LSAMP: variants seen among roughly 807,000 people sequenced by gnomAD.
LSAMP encodes the protein limbic system-associated membrane protein.
Under a neutral mutation model 38.6 loss-of-function variants are expected in LSAMP, and 7 were observed. That is an observed-to-expected ratio of 0.18 (90% CI 0.10 to 0.34). LSAMP has a LOEUF of 0.34. Ranked by LOEUF, LSAMP falls within the 10% of genes least tolerant of loss-of-function variation. LSAMP has a pLI of 1.00. For synonymous variants in LSAMP, 154 were observed against 166.8 expected, an observed-to-expected ratio of 0.92 and a Z score of 0.59; for missense variants, 313 against 420.0, an observed-to-expected ratio of 0.75 and a Z score of 2.23.
intron 1 of LSAMP, among the ~76,000 whole-genome samples, chr3:116,229,282 T>G (rs773428509): frequency 1.3e-5 from 2 of 152,086 alleles, no homozygotes; most frequent in Non-Finnish European, 2.9e-5. Context: ...AATCTAGAAG[T>G]CATAATATAT....
At chr3:116,283,003 G>T (rs1326967202) in intron 1 of LSAMP, among the ~76,000 whole-genome samples, 1 of 151,960 alleles carries the variant, frequency 6.6e-6, no homozygotes. Context: ...ATAACAAGTT[G>T]CCCTTCCTTG....
chr3:116,213,121 T>C (rs1042914792), intron 1 of LSAMP, among the ~76,000 whole-genome samples: 3 of 152,224 alleles, frequency 2.0e-5, no homozygotes, highest in African/African-American at 7.2e-5. Flanking sequence ...AAATGCATGA[T>C]ATGATAGTTC....
At chr3:116,133,567 C>T (rs1358502146) in intron 1 of LSAMP, among the ~76,000 whole-genome samples, 1 of 152,116 alleles carries the variant, frequency 6.6e-6, no homozygotes, top group Non-Finnish European at 1.5e-5. Context: ...CCTGCCTTGG[C>T]ATTTCAAAGT....
intron 3 of LSAMP, among the ~76,000 whole-genome samples, chr3:115,971,290 AG>A (rs1452988284): frequency 6.6e-6 from 1 of 152,230 alleles, no homozygotes; most frequent in African/African-American, 2.4e-5. Context: ...TTCCATTAAA[AG>A]TTTCATAATA....
At chr3:116,110,499 G>A (rs1026003855) in intron 1 of LSAMP, among the ~76,000 whole-genome samples, 56 of 152,226 alleles carry the variant, frequency 3.7e-4, no homozygotes, top group African/African-American at 1.3e-3. Flanking sequence ...TTGGGTCCAC[G>A]GATAAAACGT....
intron 1 of LSAMP, among the ~76,000 whole-genome samples, chr3:116,301,946 T>C (rs1481333037): frequency 2.0e-5 from 3 of 152,254 alleles, no homozygotes; most frequent in African/African-American, 4.8e-5. Flanking sequence ...TCACCCACAT[T>C]TCCATCACCC....
At chr3:116,335,654 A>G (rs974018474) in intron 1 of LSAMP, among the ~76,000 whole-genome samples, 1 of 152,052 alleles carries the variant, frequency 6.6e-6, no homozygotes, top group Non-Finnish European at 1.5e-5. Flanking sequence ...CATACGTGAA[A>G]ATTATCATAA....
chr3:116,215,555 C>G (rs2046209814), intron 1 of LSAMP, among the ~76,000 whole-genome samples: 2 of 152,142 alleles, frequency 1.3e-5, no homozygotes, highest in African/African-American at 4.8e-5. Flanking sequence ...ACTTCTGAAC[C>G]TTTACTTGAG....
chr3:116,141,221 A>G (rs1709361514), intron 1 of LSAMP, among the ~76,000 whole-genome samples: 1 of 151,952 alleles, frequency 6.6e-6, no homozygotes, highest in African/African-American at 2.4e-5. Context: ...GTGAAGATAC[A>G]TATCCAGACC....
At chr3:115,953,443 A>ACACACACACACACACACACACAC (rs71141846) in intron 3 of LSAMP, among the ~76,000 whole-genome samples, 2 of 141,930 alleles carry the variant, frequency 1.4e-5, no homozygotes, top group Non-Finnish European at 1.6e-5. Flanking sequence ...ACACACACAC[A>ACACACACACACACACACACACAC]ATGTCTAAAA....
Position 116,072,226 on chromosome 3 carries a change from C to T in LSAMP, c.388+14098G>A, listed in dbSNP as rs191935554. On this transcript the variant is annotated intron_variant, in intron 2 of 6. Transcript: ENST00000490035. The stretch of plus-strand genomic sequence containing the variant: ...TCTTGACCTTGTGATCCACCCACCT[C>T]GGCCTCCCAAAGTGCTGGGATTACA... Among the ~76,000 whole-genome samples, 392 of 152,168 alleles carry T rather than the reference C, an allele frequency of 2.6e-3. 1 individual carries two copies. Among genetic ancestry groups the T allele is most frequent in the African/African-American group, 9.0e-3 (373 of 41,506 alleles).
rs139349260 is a variant in LSAMP at position 116,200,622 on chromosome 3, C to T, written c.156-114066G>A. 5.0e-3 allele frequency among the ~76,000 whole-genome samples: 762 copies of T among 152,284 alleles called. 4 individuals are homozygous for T. The highest frequency in any genetic ancestry group is 0.017 in the African/African-American group (718 of 41,542). On this transcript the variant is annotated intron_variant, in intron 1 of 6. Transcript: ENST00000490035. ...TCTTTGTCATAAAATCACCCAGTTC[C>T]GTTTAAAACCCTGCCAGCGAGCTTG... is the stretch of plus-strand genomic sequence containing the variant.
chr3:116,071,092 T>A (rs1169500174), intron 2 of LSAMP, among the ~76,000 whole-genome samples: 1 of 143,790 alleles, frequency 7.0e-6, no homozygotes, highest in African/African-American at 2.5e-5. Flanking sequence ...AATAAATAAA[T>A]AAAATAATGT....
chr3:116,033,361 G>T (rs886472170), intron 2 of LSAMP, among the ~76,000 whole-genome samples: 1 of 152,156 alleles, frequency 6.6e-6, no homozygotes, highest in African/African-American at 2.4e-5. Flanking sequence ...AGTTAGACAT[G>T]GAGGGGCCTC....
At chr3:116,062,541 A>G (rs1341653877) in intron 2 of LSAMP, among the ~76,000 whole-genome samples, 1 of 151,766 alleles carries the variant, frequency 6.6e-6, no homozygotes, top group Non-Finnish European at 1.5e-5. Flanking sequence ...ATTAAAAAGT[A>G]TATACTCAGT....
intron 2 of LSAMP, among the ~76,000 whole-genome samples, chr3:116,075,962 T>A (rs1707732672): frequency 6.6e-6 from 1 of 152,194 alleles, no homozygotes; most frequent in African/African-American, 2.4e-5. Flanking sequence ...TTATTGATAA[T>A]TCTTTCTAGT....
At chr3:116,061,898 T>C (rs572063545) in intron 2 of LSAMP, among the ~76,000 whole-genome samples, 1 of 152,300 alleles carries the variant, frequency 6.6e-6, no homozygotes, top group East Asian at 1.9e-4. Context: ...TCAAGGATAT[T>C]ATTGCTATTT....
At chr3:116,086,692 G>C (rs1451600897) in intron 1 of LSAMP, 136 bp from the exon 2 acceptor site, 1 of 684,988 alleles carries the variant, frequency 1.5e-6, no homozygotes, top group African/African-American at 1.8e-5. Flanking sequence ...GCCATTCTTG[G>C]AGTCCTTAGA....
At chr3:116,159,232 G>T (rs1227316475) in intron 1 of LSAMP, among the ~76,000 whole-genome samples, 1 of 152,018 alleles carries the variant, frequency 6.6e-6, no homozygotes, top group African/African-American at 2.4e-5. Context: ...AAAGCAAATT[G>T]CAACAAAACA....
Sources: gnomAD v4.1 joint callset for allele counts (sites outside exome capture counted in the v4.1 genomes callset) on GRCh38, gnomAD v4.1.1 for gene constraint, MANE v1.5 for transcripts, NCBI Gene and HGNC (gene_info 2026-07-23, HGNC 2026-07-21) for gene names.